Variants in ADCY2 observed in about 807,000 individuals in gnomAD.
ADCY2 encodes the protein adenylate cyclase 2.
Under a neutral mutation model 125.2 loss-of-function variants are expected in ADCY2, and 31 were observed. That is an observed-to-expected ratio of 0.25 (90% CI 0.19 to 0.33). ADCY2 has a LOEUF of 0.33. ADCY2 is among the 10% of genes least tolerant of loss of function. ADCY2 has a pLI of 1.00. For missense variants in ADCY2, 904 were observed against 1,418.2 expected (o/e 0.64, Z 5.82); for synonymous variants, 512 against 548.4 (o/e 0.93, Z 0.93).
intron 3 of ADCY2, among the ~76,000 whole-genome samples, chr5:7,580,291 A>G (rs560043059): frequency 2.0e-5 from 3 of 152,310 alleles, no homozygotes; most frequent in Admixed American, 2.0e-4. Context: ...AAGAAATTAT[A>G]ATCACTCTAA....
At chr5:7,663,533 T>C (rs962343665) in intron 4 of ADCY2, among the ~76,000 whole-genome samples, 1 of 152,234 alleles carries the variant, frequency 6.6e-6, no homozygotes, top group Non-Finnish European at 1.5e-5. Flanking sequence ...GCTTCTGCAT[T>C]AGTGAGCTTG....
chr5:7,588,910 T>G (rs901190386), intron 3 of ADCY2, among the ~76,000 whole-genome samples: 6 of 152,212 alleles, frequency 3.9e-5, no homozygotes, highest in African/African-American at 1.2e-4. Flanking sequence ...AGGAAAATAT[T>G]GTAAAGGAGG....
At chr5:7,696,625 T>C (rs1436417386) in intron 6 of ADCY2, among the ~76,000 whole-genome samples, 1 of 152,250 alleles carries the variant, frequency 6.6e-6, no homozygotes, top group Non-Finnish European at 1.5e-5. Context: ...TCATTATGCC[T>C]ACTAATATCA....
intron 3 of ADCY2, among the ~76,000 whole-genome samples, chr5:7,598,715 G>A (rs749374941): frequency 9.2e-5 from 14 of 152,238 alleles, no homozygotes; most frequent in East Asian, 1.9e-4. Flanking sequence ...GCCCCGTTGC[G>A]CTCAGGTGAC....
In ADCY2 at chr5:7,828,694, G is replaced by A. The variant is rs1436520041; in HGVS notation, c.*1823G>A. On this transcript the variant is annotated 3_prime_UTR_variant, in exon 25 of 25. Transcript: ENST00000338316. ...TCTCCAAAAACAGTGATTAAAGCAAGAGAATTATTACAAGGGCTTTTCTCT... is the reference window on the plus strand; with the variant it reads ...TCTCCAAAAACAGTGATTAAAGCAAAAGAATTATTACAAGGGCTTTTCTCT... 1.3e-5 allele frequency: 2 copies of A among 152,340 alleles called. No individual in the cohort carries two copies. Among genetic ancestry groups the A allele is most frequent in the African/African-American group, 4.8e-5 (2 of 41,438 alleles). The allele number at this position is 152,340 out of a possible 1,614,324, so 9.4% of individuals were successfully genotyped here.
chr5:7,754,729 AC>A (rs1742933374), intron 15 of ADCY2, among the ~76,000 whole-genome samples: 1 of 4,214 alleles, frequency 2.4e-4, no homozygotes, highest in African/African-American at 4.6e-4. Context: ...AAACAAACAA[AC>A]AAAAAAAACT....
intron 2 of ADCY2, among the ~76,000 whole-genome samples, chr5:7,467,483 A>T (rs1017985065): frequency 3.3e-5 from 5 of 152,212 alleles, no homozygotes; most frequent in African/African-American, 1.2e-4. Context: ...CATTTTGTGC[A>T]TACATGCAAC....
At position 7,632,203 on chromosome 5, in the gene ADCY2, A is replaced by C. The variant is rs1434582730; in HGVS notation, c.720+5887A>C. Among the ~76,000 whole-genome samples the C allele has an allele frequency of 6.6e-5, 10 of 152,308 alleles. No homozygotes were observed. The South Asian group carries it at 1.7e-3, about 25-fold the overall frequency. ...ACAGAGAGAGCCTAACAGGAGAAAC[A>C]CACATCGTGCGGCAGGTACAGTTTG... On this transcript the variant is annotated intron_variant, in intron 4 of 24. Coordinates refer to ENST00000338316, the MANE Select transcript of ADCY2 (RefSeq NM_020546.3).
intron 1 of ADCY2, among the ~76,000 whole-genome samples, chr5:7,398,758 C>G (rs112911863): frequency 0.012 from 1,819 of 152,316 alleles, 47 homozygotes; most frequent in African/African-American, 0.042. Flanking sequence ...AGGACCAAGT[C>G]GGAAGGAGCT....
At chr5:7,491,019 A>C (rs939133855) in intron 2 of ADCY2, among the ~76,000 whole-genome samples, 1 of 152,210 alleles carries the variant, frequency 6.6e-6, no homozygotes, top group Non-Finnish European at 1.5e-5. Flanking sequence ...CAATTAAAAT[A>C]CTAGTAAGAA....
intron 3 of ADCY2, among the ~76,000 whole-genome samples, chr5:7,596,148 G>A (rs1041992741): frequency 3.3e-5 from 5 of 152,000 alleles, no homozygotes; most frequent in African/African-American, 1.2e-4. Flanking sequence ...GTCTATCATA[G>A]TTCCTCTTGC....
intron 3 of ADCY2, among the ~76,000 whole-genome samples, chr5:7,608,035 T>C (rs1376669130): frequency 6.6e-6 from 1 of 152,168 alleles, no homozygotes; most frequent in Non-Finnish European, 1.5e-5. Context: ...AATCCATCCT[T>C]TATCAGACTT....
chr5:7,562,359 T>A (rs2126589597), intron 3 of ADCY2, among the ~76,000 whole-genome samples: 1 of 152,290 alleles, frequency 6.6e-6, no homozygotes, highest in East Asian at 1.9e-4. Context: ...GGAAAGATAT[T>A]AAATAAAAGT....
At chr5:7,636,753 C>A (rs1160020446) in intron 4 of ADCY2, among the ~76,000 whole-genome samples, 1 of 152,166 alleles carries the variant, frequency 6.6e-6, no homozygotes, top group Non-Finnish European at 1.5e-5. Context: ...TAGTCACATG[C>A]TGTAGAGTCA....
At chr5:7,575,068 G>C (rs949669430) in intron 3 of ADCY2, among the ~76,000 whole-genome samples, 4 of 152,146 alleles carry the variant, frequency 2.6e-5, no homozygotes, top group Admixed American at 6.6e-5. Context: ...ACTCATGCCT[G>C]TAATCCCAGA....
intron 12 of ADCY2, among the ~76,000 whole-genome samples, chr5:7,721,943 C>T (rs192164419): frequency 8.3e-4 from 127 of 152,302 alleles, no homozygotes; most frequent in Non-Finnish European, 3.8e-4. Flanking sequence ...GTTGAGATAT[C>T]TGTGTTCTAA....
At chr5:7,493,175 G>A (rs1233526377) in intron 2 of ADCY2, among the ~76,000 whole-genome samples, 1 of 152,152 alleles carries the variant, frequency 6.6e-6, no homozygotes, top group Non-Finnish European at 1.5e-5. Context: ...AGGTATGGGA[G>A]GAAAGCCAGG....
intron 4 of ADCY2, among the ~76,000 whole-genome samples, chr5:7,687,613 A>G (rs907637246): frequency 1.3e-5 from 2 of 152,112 alleles, no homozygotes; most frequent in African/African-American, 2.4e-5. Flanking sequence ...GTGCCGACCG[A>G]TTTCTCACTG....
intron 15 of ADCY2, among the ~76,000 whole-genome samples, chr5:7,752,271 G>T (rs946829273): frequency 2.0e-5 from 3 of 152,136 alleles, no homozygotes; most frequent in Admixed American, 1.3e-4. Flanking sequence ...TTATTGCTCC[G>T]GCTTATTCCT....
Sources: allele counts gnomAD v4.1 joint callset (sites outside exome capture counted in the v4.1 genomes callset), GRCh38; gene constraint gnomAD v4.1.1; transcripts MANE v1.5; gene names NCBI Gene and HGNC (gene_info 2026-07-23, HGNC 2026-07-21).